SASH1: variants seen among roughly 807,000 people sequenced by gnomAD.
SASH1 encodes the protein SAM and SH3 domain-containing protein 1.
SASH1 carries 44 observed loss-of-function variants against 125.2 expected under a neutral mutation model. The ratio of observed to expected loss-of-function variants is 0.35; its 90% CI spans 0.28 to 0.45. The LOEUF (loss-of-function observed/expected upper bound fraction) is 0.45. Among genes scored for constraint, SASH1 ranks in the 20% least tolerant of loss-of-function variants. The pLI is 1.00. For synonymous variants in SASH1, 639 were observed against 649.1 expected (o/e 0.98, Z 0.24); for missense variants, 1,426 against 1,614.5 (o/e 0.88, Z 2.00).
the SASH1 span, among the ~76,000 whole-genome samples, chr6:148,242,791 A>G: frequency 2.6e-5 from 4 of 152,048 alleles, no homozygotes; most frequent in Non-Finnish European, 5.9e-5. Context: ...GATAGACACT[A>G]TTTTTTTAGG....
the SASH1 span, among the ~76,000 whole-genome samples, chr6:148,224,256 A>G: frequency 6.6e-6 from 1 of 152,126 alleles, no homozygotes. Flanking sequence ...TGATCATGCA[A>G]CTGCTCACTC....
At position 148,495,119 on chromosome 6, in the gene SASH1, G is replaced by C. The variant is rs1779260529; in HGVS notation, c.729+7404G>C. 6.6e-6 allele frequency among the ~76,000 whole-genome samples: 1 copy of C among 152,196 alleles called. No individual in the cohort carries two copies. The highest frequency in any genetic ancestry group is 6.5e-5 in the Admixed American group (1 of 15,270). The stretch of plus-strand genomic sequence containing the variant: ...CTAGTCGAAATAGAACATTCTGAAA[G>C]ATAATTTGCTAATAACAATTCTGGT... On this transcript the variant is annotated intron_variant, in intron 8 of 19. Coordinates refer to ENST00000367467, the MANE Select transcript of SASH1 (RefSeq NM_015278.5). This position sits in a 1 kb window ranked among gnomAD's most constrained non-coding sequence, Gnocchi z 4.0.
intron 4 of SASH1, among the ~76,000 whole-genome samples, chr6:148,441,136 C>T (rs1210519066): frequency 6.6e-6 from 1 of 152,200 alleles, no homozygotes; most frequent in Non-Finnish European, 1.5e-5. Flanking sequence ...TAAAGAAAGT[C>T]CACATCTCTA....
At chr6:148,443,439 A>G (rs936033067) in intron 4 of SASH1, among the ~76,000 whole-genome samples, 4 of 147,454 alleles carry the variant, frequency 2.7e-5, no homozygotes, top group Non-Finnish European at 6.0e-5. Flanking sequence ...TAGTGAATAT[A>G]TATATAATAT....
the SASH1 span, among the ~76,000 whole-genome samples, chr6:148,228,857 T>C: frequency 1.3e-5 from 2 of 152,066 alleles, no homozygotes; most frequent in Non-Finnish European, 2.9e-5. Flanking sequence ...AAATCTTGGC[T>C]GGGCGCAGTG....
chr6:148,453,838 G>A (rs1295311275), intron 4 of SASH1, among the ~76,000 whole-genome samples: 1 of 152,206 alleles, frequency 6.6e-6, no homozygotes, highest in Non-Finnish European at 1.5e-5. Context: ...TAGGCATGGT[G>A]CTGAGGGCCC....
At chr6:148,226,209 ATG>A in the SASH1 span, among the ~76,000 whole-genome samples, 1 of 152,202 alleles carries the variant, frequency 6.6e-6, no homozygotes, top group Non-Finnish European at 1.5e-5. Context: ...GGTTTATTTG[ATG>A]TCTTATTACA....
intron 1 of SASH1, among the ~76,000 whole-genome samples, chr6:148,296,494 T>C (rs1779769450): frequency 6.6e-6 from 1 of 152,202 alleles, no homozygotes; most frequent in South Asian, 2.1e-4. Context: ...TACTTAGCAG[T>C]TACTATGTTC....
At chr6:148,248,707 C>G in the SASH1 span, among the ~76,000 whole-genome samples, 1 of 152,188 alleles carries the variant, frequency 6.6e-6, no homozygotes, top group African/African-American at 2.4e-5. Context: ...CACTTCCCCC[C>G]ACAAGCCTCA....
chr6:148,485,392 C>T (rs1778797520), intron 7 of SASH1, among the ~76,000 whole-genome samples: 1 of 152,058 alleles, frequency 6.6e-6, no homozygotes, highest in African/African-American at 2.4e-5. Context: ...CCTCTAATAC[C>T]CAAAAGTTTA....
the SASH1 span, among the ~76,000 whole-genome samples, chr6:148,222,691 T>C: frequency 6.6e-6 from 1 of 152,196 alleles, no homozygotes; most frequent in Admixed American, 6.5e-5. Context: ...AATAATTACA[T>C]TGAATCATTT....
intron 1 of SASH1, among the ~76,000 whole-genome samples, chr6:148,308,685 C>T (rs1056513802): frequency 1.1e-4 from 16 of 149,446 alleles, no homozygotes; most frequent in African/African-American, 2.5e-4. Flanking sequence ...TGTGAGCCAC[C>T]GCACCTGGCA....
At chr6:148,476,897 C>G (rs1383316377) in intron 7 of SASH1, among the ~76,000 whole-genome samples, 1 of 151,952 alleles carries the variant, frequency 6.6e-6, no homozygotes, top group Non-Finnish European at 1.5e-5. Flanking sequence ...ATAGAGAGCC[C>G]GGAAATAAAC....
intron 2 of SASH1, among the ~76,000 whole-genome samples, chr6:148,408,937 C>T (rs1424372668): frequency 1.3e-5 from 2 of 152,164 alleles, no homozygotes; most frequent in African/African-American, 4.8e-5. Context: ...AAAGGCAGCC[C>T]CTGCCTCCCT....
chr6:148,494,605 G>A (rs752272278), intron 8 of SASH1, among the ~76,000 whole-genome samples: 19 of 151,968 alleles, frequency 1.3e-4, no homozygotes, highest in Non-Finnish European at 1.8e-4. Context: ...CCAGCCTGGC[G>A]ACAGAACAAG....
chr6:148,213,375 A>G, the SASH1 span, among the ~76,000 whole-genome samples: 1 of 152,132 alleles, frequency 6.6e-6, no homozygotes, highest in African/African-American at 2.4e-5. Flanking sequence ...TGGAATAAGT[A>G]AATTTTCTGT....
chr6:148,422,645 A>T (rs1775621252), intron 2 of SASH1, among the ~76,000 whole-genome samples: 1 of 152,174 alleles, frequency 6.6e-6, no homozygotes, highest in Non-Finnish European at 1.5e-5. Context: ...TTTAAATTTC[A>T]TTTGCTTTTG....
chr6:148,441,922 A>T (rs1019420061), intron 4 of SASH1, among the ~76,000 whole-genome samples: 3 of 152,144 alleles, frequency 2.0e-5, no homozygotes, highest in Non-Finnish European at 4.4e-5. Flanking sequence ...ACACACGCCC[A>T]CTGTCTCCAT....
intron 1 of SASH1, among the ~76,000 whole-genome samples, chr6:148,389,504 A>G (rs1419807968): frequency 1.3e-5 from 2 of 152,278 alleles, no homozygotes; most frequent in Non-Finnish European, 2.9e-5. Flanking sequence ...AATGACCATA[A>G]TAATGAATAT....
Sources: gnomAD v4.1 joint callset for allele counts (sites outside exome capture counted in the v4.1 genomes callset) on GRCh38, gnomAD v4.1.1 for gene constraint, Gnocchi (gnomAD v3.1) non-coding constraint, MANE v1.5 for transcripts, NCBI Gene and HGNC (gene_info 2026-07-23, HGNC 2026-07-21) for gene names.